CDH4: variants seen among roughly 807,000 people sequenced by gnomAD.
CDH4 encodes cadherin 4.
A neutral mutation model predicts 86.0 loss-of-function variants in CDH4; 33 were observed. The observed-to-expected ratio is 0.38, with a 90% confidence interval of 0.29 to 0.51. CDH4 has a LOEUF of 0.51. Ranked by LOEUF, CDH4 falls within the 20% of genes least tolerant of loss-of-function variation. The probability of loss-of-function intolerance (pLI) is 0.86; values close to 1 mark genes in which losing one functional copy is unlikely to be tolerated. For synonymous variants in CDH4, 555 were observed against 549.4 expected, an observed-to-expected ratio of 1.01 and a Z score of -0.14; for missense variants, 1,114 against 1,307.4, an observed-to-expected ratio of 0.85 and a Z score of 2.28.
At chr20:61,692,479 C>T (rs1214257418) in intron 2 of CDH4, among the ~76,000 whole-genome samples, 1 of 152,210 alleles carries the variant, frequency 6.6e-6, no homozygotes, top group South Asian at 2.1e-4. Flanking sequence ...TAAGACTAAT[C>T]TCCCTTTAGG....
intron 2 of CDH4, among the ~76,000 whole-genome samples, chr20:61,493,354 G>A (rs1323924374): frequency 6.6e-6 from 1 of 152,184 alleles, no homozygotes; most frequent in Non-Finnish European, 1.5e-5. Context: ...CCTGGACAAT[G>A]CCCACAAGTA....
In CDH4 at chr20:61,825,062, AT is replaced by A. The variant is rs370546674; in HGVS notation, c.577-19597del. ...ACTCTACATAGTTTGTAAGTTGGTG[AT>A]TTTTTTTTCCTTTCATCCCTCCTTC... On this transcript the variant is annotated intron_variant, in intron 4 of 15. Coordinates refer to ENST00000614565, the MANE Select transcript of CDH4 (RefSeq NM_001794.5). Among the ~76,000 whole-genome samples, 992 of 151,452 alleles carry A rather than the reference AT, an allele frequency of 6.5e-3. 12 individuals are homozygous for A. Among genetic ancestry groups the A allele is most frequent in the African/African-American group, 0.021 (870 of 41,192 alleles).
chr20:61,631,561 C>T (rs2086888829), intron 2 of CDH4, among the ~76,000 whole-genome samples: 1 of 152,190 alleles, frequency 6.6e-6, no homozygotes, highest in South Asian at 2.1e-4. Context: ...AGGAGAATCG[C>T]TTAACCTCGG....
intron 4 of CDH4, among the ~76,000 whole-genome samples, chr20:61,793,338 AC>A (rs1286544365): frequency 6.6e-6 from 1 of 151,762 alleles, no homozygotes; most frequent in African/African-American, 2.4e-5. Context: ...GACAAAAAAA[AC>A]AACTTAGATA....
intron 2 of CDH4, among the ~76,000 whole-genome samples, chr20:61,736,311 A>G (rs1252328866): frequency 6.6e-6 from 1 of 152,118 alleles, no homozygotes; most frequent in Admixed American, 6.5e-5. Flanking sequence ...TGCAAGTGCC[A>G]TCAGCACTAC....
chr20:61,283,464 C>T (rs2084274195), intron 2 of CDH4, among the ~76,000 whole-genome samples: 1 of 132,978 alleles, frequency 7.5e-6, no homozygotes. Context: ...TGTGCGTTTG[C>T]ACGCGTGTGC....
intron 4 of CDH4, among the ~76,000 whole-genome samples, chr20:61,836,170 G>C (rs1303560906): frequency 6.6e-6 from 1 of 152,246 alleles, no homozygotes. Flanking sequence ...CTACGGGGAG[G>C]GTGAGGCACG....
At chr20:61,864,734 C>T (rs1350782376) in intron 6 of CDH4, among the ~76,000 whole-genome samples, 1 of 152,188 alleles carries the variant, frequency 6.6e-6, no homozygotes, top group Non-Finnish European at 1.5e-5. Context: ...CCGGGCAGAC[C>T]CTTATGAGAC....
At chr20:61,611,502 A>G (rs2086685087) in intron 2 of CDH4, among the ~76,000 whole-genome samples, 1 of 151,802 alleles carries the variant, frequency 6.6e-6, no homozygotes, top group African/African-American at 2.4e-5. Context: ...AGCCTGCGGG[A>G]TGTGGGCAAG....
In CDH4 at chr20:61,910,579, CCAA is replaced by C. The variant is rs762653998; in HGVS notation, c.1348_1350del (p.Asn450del). On this transcript the variant is annotated inframe_deletion, in exon 9 of 16. Transcript: ENST00000614565. ...TTCAGCGTCCGCACAGACCCCGTAA[CCAA>C]CGAGGGCATGGTCACCGTGGTGAAG... 6.2e-7 allele frequency: 1 copy of C among 1,613,706 alleles called. No homozygotes were observed. Among genetic ancestry groups the C allele is most frequent in the South Asian group, 1.1e-5 (1 of 91,080 alleles).
At chr20:61,332,521 C>A (rs2084588338) in intron 2 of CDH4, among the ~76,000 whole-genome samples, 1 of 152,230 alleles carries the variant, frequency 6.6e-6, no homozygotes, top group Non-Finnish European at 1.5e-5. Flanking sequence ...CTTGGTGCAT[C>A]CCCTTGGCTG....
At chr20:61,394,933 C>T (rs1330801207) in intron 2 of CDH4, among the ~76,000 whole-genome samples, 1 of 144,296 alleles carries the variant, frequency 6.9e-6, no homozygotes, top group Admixed American at 7.3e-5. Context: ...TTCTGAGGCC[C>T]CAAGGTCCAT....
intron 2 of CDH4, among the ~76,000 whole-genome samples, chr20:61,695,299 G>A (rs1327663338): frequency 2.0e-5 from 3 of 152,246 alleles, no homozygotes; most frequent in African/African-American, 7.2e-5. Context: ...CTGCCCGGGA[G>A]GCATGAACCA....
At chr20:61,833,639 G>A (rs1328185590) in intron 4 of CDH4, among the ~76,000 whole-genome samples, 3 of 151,976 alleles carry the variant, frequency 2.0e-5, no homozygotes, top group Admixed American at 2.0e-4. Context: ...CTTCATTACT[G>A]ACTGAGCACA....
rs965511592 is a variant in CDH4 at position 61,810,297 on chromosome 20, G to A, written c.577-34371G>A. 3.3e-5 allele frequency among the ~76,000 whole-genome samples: 5 copies of A among 152,312 alleles called. No individual in the cohort carries two copies. Among genetic ancestry groups the A allele is most frequent in the South Asian group, 2.1e-4 (1 of 4,822 alleles). ...CATGTGGCTATCCACCGGGCCAGTCGGGGCGGCTGTGCCAGGCTGTCGTCC... is the reference window on the plus strand; with the variant it reads ...CATGTGGCTATCCACCGGGCCAGTCAGGGCGGCTGTGCCAGGCTGTCGTCC... On this transcript the variant is annotated intron_variant, in intron 4 of 15. Coordinates refer to ENST00000614565, the MANE Select transcript of CDH4 (RefSeq NM_001794.5). This position sits in a 1 kb window ranked among gnomAD's most constrained non-coding sequence, Gnocchi z 4.3.
intron 2 of CDH4, among the ~76,000 whole-genome samples, chr20:61,491,682 T>A (rs2085626623): frequency 6.6e-6 from 1 of 152,230 alleles, no homozygotes; most frequent in Non-Finnish European, 1.5e-5. Context: ...GTATTGATGC[T>A]AGTTGTGTTG....
intron 2 of CDH4, among the ~76,000 whole-genome samples, chr20:61,354,261 A>G (rs1408993576): frequency 1.3e-5 from 2 of 151,926 alleles, no homozygotes; most frequent in Admixed American, 1.3e-4. Flanking sequence ...GCAGCACGTG[A>G]GTGGGAGAGG....
At chr20:61,658,539 C>T (rs781071697) in intron 2 of CDH4, among the ~76,000 whole-genome samples, 9 of 152,166 alleles carry the variant, frequency 5.9e-5, no homozygotes, top group Non-Finnish European at 1.2e-4. Flanking sequence ...GCACAAAACT[C>T]AGGAGGCCGA....
intron 6 of CDH4, among the ~76,000 whole-genome samples, chr20:61,871,147 CT>C (rs1340288079): frequency 3.3e-5 from 5 of 152,132 alleles, no homozygotes; most frequent in African/African-American, 9.7e-5. Context: ...CATTTTCCTT[CT>C]GCCTGAAAAC....
Sources: gnomAD v4.1 joint callset for allele counts (sites outside exome capture counted in the v4.1 genomes callset) on GRCh38, gnomAD v4.1.1 for gene constraint, Gnocchi (gnomAD v3.1) non-coding constraint, MANE v1.5 for transcripts, NCBI Gene and HGNC (gene_info 2026-07-23, HGNC 2026-07-21) for gene names.